CFAP54: variants seen among roughly 807,000 people sequenced by gnomAD.
The protein encoded by CFAP54 is cilia and flagella associated protein 54.
Under a neutral mutation model 370.4 loss-of-function variants are expected in CFAP54, and 290 were observed. The ratio of observed to expected loss-of-function variants is 0.78; its 90% CI spans 0.71 to 0.86. The LOEUF is 0.86. Ranked by LOEUF, CFAP54 falls within the 40% of genes least tolerant of loss-of-function variation. CFAP54 has a pLI of 0.00. For synonymous variants in CFAP54, 1,206 were observed against 1,236.5 expected, an observed-to-expected ratio of 0.98 and a Z score of 0.52; for missense variants, 3,399 against 3,528.7, an observed-to-expected ratio of 0.96 and a Z score of 0.93.
At chr12:96,817,748 A>C in intron 64 of CFAP54, 27 bp from the exon 65 acceptor site, 1 of 1,371,754 alleles carries the variant, frequency 7.3e-7, no homozygotes, top group Non-Finnish European at 9.6e-7. Flanking sequence ...TCTTCAAATA[A>C]AATACATATA....
intron 14 of CFAP54, among the ~76,000 whole-genome samples, chr12:96,544,629 A>C (rs770275104): frequency 4.6e-5 from 7 of 152,208 alleles, no homozygotes; most frequent in Non-Finnish European, 1.0e-4. Flanking sequence ...CCCCATACCC[A>C]GGAGGAAGGA....
intron 17 of CFAP54, among the ~76,000 whole-genome samples, chr12:96,557,023 C>A (rs868487800): frequency 2.0e-5 from 3 of 152,124 alleles, no homozygotes; most frequent in Non-Finnish European, 4.4e-5. Context: ...ATCTATGCAA[C>A]AAACCTGCAC....
Position 96,625,816 on chromosome 12 carries a change from A to G in CFAP54, c.3976+9A>G, listed in dbSNP as rs1455256196. 19 of 1,521,668 alleles carry G rather than the reference A, an allele frequency of 1.2e-5. No homozygotes were observed. Among genetic ancestry groups the G allele is most frequent in the Non-Finnish European group, 1.7e-5 (19 of 1,133,922 alleles). 94.3% of individuals were successfully genotyped at this position (1,521,668 alleles called of 1,614,324 possible). ...AGGTGCCGTGAAAGAAGGTAGGTGA[A>G]CTGGATGTGTATATGCTGTTCACTC... On this transcript the variant is annotated intron_variant, in intron 29 of 67. Transcript: ENST00000524981.
chr12:96,564,193 A>G (rs924374080), intron 17 of CFAP54, among the ~76,000 whole-genome samples: 3 of 152,210 alleles, frequency 2.0e-5, no homozygotes, highest in Non-Finnish European at 4.4e-5. Context: ...GTTGGATTCT[A>G]TCAATCCTCA....
At chr12:96,698,595 C>T (rs186126840) in intron 45 of CFAP54, among the ~76,000 whole-genome samples, 92 of 152,280 alleles carry the variant, frequency 6.0e-4, no homozygotes, top group African/African-American at 1.9e-3. Context: ...CCAAATACCA[C>T]ATGTTCTCAC....
intron 26 of CFAP54, among the ~76,000 whole-genome samples, chr12:96,604,748 C>T (rs1262158862): frequency 3.3e-5 from 5 of 152,222 alleles, no homozygotes; most frequent in Admixed American, 6.5e-5. Context: ...GTGCTAGCAG[C>T]GAGCAAGGCT....
intron 32 of CFAP54, among the ~76,000 whole-genome samples, chr12:96,634,701 T>C (rs1956646236): frequency 6.6e-6 from 1 of 152,184 alleles, no homozygotes; most frequent in Non-Finnish European, 1.5e-5. Flanking sequence ...CCCTGCTAAG[T>C]TTTATGGTTT....
intron 36 of CFAP54, among the ~76,000 whole-genome samples, chr12:96,657,328 G>A (rs1171180704): frequency 1.3e-5 from 2 of 152,150 alleles, no homozygotes; most frequent in Non-Finnish European, 2.9e-5. Context: ...CCATAGGTGT[G>A]ACATTTGCAT....
intron 48 of CFAP54, among the ~76,000 whole-genome samples, chr12:96,717,785 ATCTGGAAGAGGGCTT>A (rs1957702068): frequency 1.3e-5 from 2 of 152,230 alleles, no homozygotes; most frequent in African/African-American, 4.8e-5. Context: ...TGTTAGAAAT[ATCTGGAAGAGGGCTT>A]TCAGGAGTCC....
In CFAP54 at chr12:96,664,705, A is replaced by ATC. The variant is rs1444177737; in HGVS notation, c.5563+774_5563+775insCT. ...TTCCTTTGGGTATATATCTATATATATATATATATCTATATATATCTATAT... is the reference window on the plus strand; with the variant it reads ...TTCCTTTGGGTATATATCTATATATATCTATATATATCTATATATATCTATAT... On this transcript the variant is annotated intron_variant, in intron 39 of 67. Coordinates refer to ENST00000524981, the MANE Select transcript of CFAP54 (RefSeq NM_001306084.2). Among the ~76,000 whole-genome samples, 19 of 21,834 alleles carry ATC rather than the reference A, an allele frequency of 8.7e-4. 1 individual carries two copies. The highest frequency in any genetic ancestry group is 6.3e-3 in the African/African-American group (17 of 2,682). 14.3% of individuals were successfully genotyped at this position (21,834 alleles called of 152,430 possible).
chr12:96,659,173 C>T (rs770500886), intron 38 of CFAP54, among the ~76,000 whole-genome samples: 1 of 152,160 alleles, frequency 6.6e-6, no homozygotes, highest in Admixed American at 6.5e-5. Flanking sequence ...AGCATCAGAT[C>T]CCAGAGGTGG....
chr12:96,705,464 G>T (rs1034003405), intron 47 of CFAP54, among the ~76,000 whole-genome samples: 1 of 150,684 alleles, frequency 6.6e-6, no homozygotes, highest in African/African-American at 2.4e-5. Flanking sequence ...TAAGCAATTT[G>T]CCTGAAATGA....
chr12:96,664,742 T>G (rs1293037679), intron 39 of CFAP54, among the ~76,000 whole-genome samples: 406 of 23,932 alleles, frequency 0.017, 20 homozygotes, highest in East Asian at 0.076. Context: ...TATATATCTA[T>G]ATATATATAT....
intron 50 of CFAP54, among the ~76,000 whole-genome samples, chr12:96,732,681 A>C (rs1180261586): frequency 6.6e-6 from 1 of 152,208 alleles, no homozygotes; most frequent in Non-Finnish European, 1.5e-5. Context: ...AGAGGTATAA[A>C]GAGGTGCTGA....
At chr12:96,551,917 A>AG (rs1168469004) in intron 15 of CFAP54, among the ~76,000 whole-genome samples, 2 of 152,214 alleles carry the variant, frequency 1.3e-5, no homozygotes, top group African/African-American at 4.8e-5. Flanking sequence ...GGGTAAAAAA[A>AG]GAAAGCAGAG....
Position 96,708,702 on chromosome 12 carries a change from A to G in CFAP54, c.6623A>G (p.Tyr2208Cys), listed in dbSNP as rs753274365. The G allele has an allele frequency of 1.9e-6, 3 of 1,612,336 alleles. No individual in the cohort carries two copies. The highest frequency in any genetic ancestry group is 1.7e-6 in the Non-Finnish European group (2 of 1,179,402). The stretch of plus-strand genomic sequence containing the variant: ...AATAAGTTTAATTTTGTTAAAGCAT[A>G]CTTTTTCCTAAGTGTGGCTGCGACA... ...LLNKFNFVKA[Y>C]FFLSVAATIN... The change falls in exon 48 of 68, where the codon TAC (tyrosine) becomes TGC (cysteine). Residue 2208 changes from tyrosine (Y) to cysteine (C), a missense_variant. Tyr to Cys is a radical substitution (Grantham distance 194). Transcript: ENST00000524981.
intron 58 of CFAP54, among the ~76,000 whole-genome samples, chr12:96,759,595 A>T (rs970264652): frequency 6.6e-6 from 1 of 152,244 alleles, no homozygotes; most frequent in Non-Finnish European, 1.5e-5. Context: ...TAACATTTGA[A>T]ATATGTCCTA....
At chr12:96,570,386 A>G (rs1167558829) in intron 19 of CFAP54, among the ~76,000 whole-genome samples, 6 of 148,796 alleles carry the variant, frequency 4.0e-5, no homozygotes, top group Non-Finnish European at 8.9e-5. Context: ...CCATGTTTTG[A>G]CTCCCAGGCT....
intron 50 of CFAP54, among the ~76,000 whole-genome samples, chr12:96,730,779 T>C (rs1174783009): frequency 6.6e-6 from 1 of 152,218 alleles, no homozygotes; most frequent in Non-Finnish European, 1.5e-5. Context: ...GCAGAAATCC[T>C]CATTTGCTTT....
Sources: gnomAD v4.1 joint callset for allele counts (sites outside exome capture counted in the v4.1 genomes callset) on GRCh38, gnomAD v4.1.1 for gene constraint, MANE v1.5 for transcripts, NCBI Gene and HGNC (gene_info 2026-07-23, HGNC 2026-07-21) for gene names.